Variants in PKD2L1 observed in about 807,000 individuals in gnomAD.
PKD2L1 encodes the protein polycystin-2-like protein 1.
Under a neutral mutation model 93.0 loss-of-function variants are expected in PKD2L1, and 77 were observed. The ratio of observed to expected loss-of-function variants is 0.83; its 90% CI spans 0.69 to 1.00. The LOEUF (loss-of-function observed/expected upper bound fraction) is 1.00. PKD2L1 is among the 50% of genes least tolerant of loss of function. The pLI is 0.00. For missense variants in PKD2L1, 977 were observed against 990.9 expected (o/e 0.99, Z 0.19); for synonymous variants, 390 against 388.0 (o/e 1.01, Z -0.06).
intron 4 of PKD2L1, among the ~76,000 whole-genome samples, 191 bp from the exon 5 acceptor site, chr10:100,297,797 A>C (rs1564883627): frequency 6.6e-6 from 1 of 151,660 alleles, no homozygotes; most frequent in Non-Finnish European, 1.5e-5. Context: ...ATTCTGTTTG[A>C]TACTAACAAC....
intron 8 of PKD2L1, 54 bp downstream of exon 8, chr10:100,294,888 C>T (rs375121229): frequency 3.0e-5 from 45 of 1,505,502 alleles, no homozygotes; most frequent in Middle Eastern, 1.7e-4. Flanking sequence ...TACATACACC[C>T]GTGGAGCTGG....
At position 100,290,429 on chromosome 10, in the gene PKD2L1, C is replaced by A. The variant is rs1848381144; in HGVS notation, c.2098G>T (p.Gly700Cys). The A allele has an allele frequency of 6.2e-7, 1 of 1,613,228 alleles. No homozygotes were observed. Among genetic ancestry groups the A allele is most frequent in the Non-Finnish European group, 8.5e-7 (1 of 1,179,734 alleles). Residue 700 changes from glycine to cysteine, a missense_variant, in exon 13 of 16, where the codon GGC becomes TGC. Coordinates refer to ENST00000318222, the MANE Select transcript of PKD2L1 (RefSeq NM_016112.3). ...KSGPEAARAG[G>C]WVSGEEFYML... ...TAGAATTCTTCTCCTGAAACCCAGC[C>A]TCCTGCTCTGGCAGCCTCTGGACCC...
chr10:100,298,769 T>C lies in PKD2L1; in HGVS notation c.524A>G (p.Tyr175Cys). ...GCCATGGCCCAGGCTCTGGTTGTTG[T>C]ACCATTTGGTCCAATACAAACTGTC... ...LLDSLYWTKW[Y>C]NNQSLGHGSH... Residue 175 changes from tyrosine to cysteine, a missense_variant, in exon 4 of 16, where the codon TAC (tyrosine) becomes TGC (cysteine). Physicochemically the swap from Tyr to Cys is radical, Grantham distance 194. Coordinates refer to ENST00000318222, the MANE Select transcript of PKD2L1 (RefSeq NM_016112.3). 6.2e-7 allele frequency: 1 copy of C among 1,613,746 alleles called. No individual in the cohort carries two copies. The highest frequency in any genetic ancestry group is 8.5e-7 in the Non-Finnish European group (1 of 1,179,936).
rs1349109026 is a variant in PKD2L1, at chr10:100,288,975, T to A, written c.2332A>T (p.Ser778Cys). The change falls in exon 15 of 16, where the codon AGT becomes TGT. Residue 778 changes from serine (S) to cysteine (C), a missense_variant. By Grantham distance (112) the Ser-to-Cys change is moderately radical. Transcript: ENST00000318222. ...DPWGVQGGQE[S>C]EVPYKREEEA... is the part of the protein sequence containing the mutation. ...TGCTTTAGGCCCCCTTCCTCACCACTCTCCTGCCCACCCTGGACTCCCCAG... is the reference window on the plus strand; with the variant it reads ...TGCTTTAGGCCCCCTTCCTCACCACACTCCTGCCCACCCTGGACTCCCCAG... The A allele has an allele frequency of 6.3e-7, 1 of 1,595,318 alleles. No homozygotes were observed.
At chr10:100,321,705 AAG>A (rs1260769748) in intron 2 of PKD2L1, among the ~76,000 whole-genome samples, 1 of 4,936 alleles carries the variant, frequency 2.0e-4, no homozygotes, top group Non-Finnish European at 4.8e-4. Context: ...GAAAGAAAGA[AAG>A]AAAGAAAGAA....
In PKD2L1 at chr10:100,297,073, G is replaced by A. The variant is rs771224867; in HGVS notation, c.1092C>T (p.Phe364=). The A allele has an allele frequency of 2.5e-6, 4 of 1,614,152 alleles. No homozygotes were observed. The highest frequency in any genetic ancestry group is 3.3e-5 in the Admixed American group (2 of 60,020). Reference sequence around the variant, plus strand: ...CCAGGATCTCTTCCACCACATAGTAGAAGATGAAGACGCAGAAGATGACCT... The same window carrying A: ...CCAGGATCTCTTCCACCACATAGTAAAAGATGAAGACGCAGAAGATGACCT... The part of the protein sequence containing the change: ...GCEVIFCVFI[F]YYVVEEILEL... The change falls in exon 6 of 16, where the codon TTC becomes TTT. Residue 364 remains phenylalanine (F), a synonymous_variant. Transcript: ENST00000318222.
chr10:100,322,488 A>G (rs598133), intron 2 of PKD2L1, among the ~76,000 whole-genome samples: 27,052 of 152,144 alleles, frequency 0.18, 2,815 homozygotes, highest in South Asian at 0.38. Flanking sequence ...AAAAAAAAAA[A>G]ACTACTTAGA....
At chr10:100,311,477 T>G (rs149259814) in intron 2 of PKD2L1, among the ~76,000 whole-genome samples, 1 of 152,202 alleles carries the variant, frequency 6.6e-6, no homozygotes, top group Non-Finnish European at 1.5e-5. Context: ...GCTTGGGTAA[T>G]AACCAAATTT....
chr10:100,300,085 C>A (rs139818372), intron 2 of PKD2L1, among the ~76,000 whole-genome samples: 39 of 152,346 alleles, frequency 2.6e-4, no homozygotes, highest in African/African-American at 8.4e-4. Context: ...GTAGTGATTC[C>A]TTTTGTCTGC....
At chr10:100,329,777 A>T in intron 1 of PKD2L1, 92 bp downstream of exon 1, 1 of 850,630 alleles carries the variant, frequency 1.2e-6, no homozygotes, top group Non-Finnish European at 1.9e-6. Context: ...CCTCTTCTTC[A>T]GATCACATTC....
chr10:100,293,349 A>AT lies in PKD2L1; in HGVS notation c.1689dup (p.Tyr564IlefsTer14). ...GCCAGCTCCTCCTTGACCTCTGAAT[A>AT]TGTGTCATTGATGATGGCCAGGAAC... On this transcript the variant is annotated frameshift_variant, in exon 10 of 16. Transcript: ENST00000318222. LOFTEE classifies it high-confidence loss of function. 2 of 1,613,400 alleles carry AT rather than the reference A, an allele frequency of 1.2e-6. No individual in the cohort carries two copies. The highest frequency in any genetic ancestry group is 2.7e-5 in the African/African-American group (2 of 75,042).
intron 2 of PKD2L1, among the ~76,000 whole-genome samples, chr10:100,318,210 A>G (rs140043282): frequency 1.3e-3 from 204 of 152,316 alleles, no homozygotes; most frequent in African/African-American, 4.6e-3. Flanking sequence ...ACCCAATAAC[A>G]TAATTGTCAA....
At chr10:100,317,415 T>A (rs1310904428) in intron 2 of PKD2L1, among the ~76,000 whole-genome samples, 1 of 152,070 alleles carries the variant, frequency 6.6e-6, no homozygotes, top group African/African-American at 2.4e-5. Context: ...GCTACATGCC[T>A]GTAGTCCCAG....
In PKD2L1 at chr10:100,330,017, AG is replaced by A. The variant is rs1849470168; in HGVS notation, c.86del (p.Pro29LeufsTer7). ...AWDNPAYSGP[P>X]SPHGTLRVCT... ...AGACTCTCAGCGTCCCGTGTGGGGA[AG>A]GGGGACCACTGTAGGCGGGGTTGTC... On this transcript the variant is annotated frameshift_variant, in exon 1 of 16. Coordinates refer to ENST00000318222, the MANE Select transcript of PKD2L1 (RefSeq NM_016112.3). LOFTEE classifies it high-confidence loss of function. 2 of 1,613,740 alleles carry A rather than the reference AG, an allele frequency of 1.2e-6. No homozygotes were observed. Among genetic ancestry groups the A allele is most frequent in the Non-Finnish European group, 1.7e-6 (2 of 1,179,752 alleles).
intron 13 of PKD2L1, 46 bp from the exon 14 acceptor site, chr10:100,290,184 G>A: frequency 9.3e-6 from 15 of 1,611,026 alleles, no homozygotes; most frequent in Non-Finnish European, 1.1e-5. Context: ...ATCTGTGTCT[G>A]GGGGCTGGAT....
rs139042971 is a variant in PKD2L1, at chr10:100,307,715, C to T, written c.350-7997G>A. Among the ~76,000 whole-genome samples the T allele has an allele frequency of 3.9e-5, 6 of 152,184 alleles. No homozygotes were observed. In the East Asian group the frequency reaches 9.6e-4, roughly 24 times the overall value. Reference sequence around the variant, plus strand: ...AAACTTTAGCTACATAAAAGGCAGTCCTTCTTCACCACTAGTACTTTCAAT... The same window carrying T: ...AAACTTTAGCTACATAAAAGGCAGTTCTTCTTCACCACTAGTACTTTCAAT... On this transcript the variant is annotated intron_variant, in intron 2 of 15. Coordinates refer to ENST00000318222, the MANE Select transcript of PKD2L1 (RefSeq NM_016112.3).
intron 2 of PKD2L1, among the ~76,000 whole-genome samples, chr10:100,314,943 AAAAGAAAG>A (rs199832659): frequency 9.6e-6 from 1 of 104,464 alleles, no homozygotes; most frequent in Non-Finnish European, 1.9e-5. Flanking sequence ...GCTAAGGCAG[AAAAGAAAG>A]AAAGAAAGAA....
chr10:100,313,084 G>A (rs1035313809), intron 2 of PKD2L1, among the ~76,000 whole-genome samples: 7 of 152,184 alleles, frequency 4.6e-5, no homozygotes, highest in African/African-American at 1.7e-4. Flanking sequence ...AGGCAGCGGT[G>A]ATTCCACACG....
At chr10:100,314,993 A>AG (rs1564891235) in intron 2 of PKD2L1, among the ~76,000 whole-genome samples, 1 of 13,024 alleles carries the variant, frequency 7.7e-5, no homozygotes, top group Non-Finnish European at 1.2e-4. Flanking sequence ...GAAGGAAGGA[A>AG]GGAAGGAAGG....
Sources: allele counts gnomAD v4.1 joint callset (sites outside exome capture counted in the v4.1 genomes callset), GRCh38; gene constraint gnomAD v4.1.1; transcripts MANE v1.5; gene names NCBI Gene and HGNC (gene_info 2026-07-23, HGNC 2026-07-21).